Variants in MAPRE2 observed in about 807,000 individuals in gnomAD.
The protein encoded by MAPRE2 is microtubule associated protein RP/EB family member 2.
Under a neutral mutation model 43.2 loss-of-function variants are expected in MAPRE2, and 13 were observed. The observed-to-expected ratio is 0.30, with a 90% CI of 0.20 to 0.48. The LOEUF is 0.48. MAPRE2 is among the 20% of genes least tolerant of loss of function. The probability of loss-of-function intolerance (pLI) is 0.99; values close to 1 mark genes in which losing one functional copy is unlikely to be tolerated. For synonymous variants in MAPRE2, 135 were observed against 148.8 expected, an observed-to-expected ratio of 0.91 and a Z score of 0.68; for missense variants, 161 against 400.2, an observed-to-expected ratio of 0.40 and a Z score of 5.10.
chr18:34,995,322 T>G (rs531558), intron 1 of MAPRE2, among the ~76,000 whole-genome samples: 1 of 151,886 alleles, frequency 6.6e-6, no homozygotes, highest in Non-Finnish European at 1.5e-5. Context: ...TTGGCAGGAC[T>G]TCCAAGCATC....
At chr18:35,095,705 A>T (rs996460145) in intron 2 of MAPRE2, among the ~76,000 whole-genome samples, 4 of 152,266 alleles carry the variant, frequency 2.6e-5, no homozygotes, top group Non-Finnish European at 4.4e-5. Flanking sequence ...CAACAATCCC[A>T]TCCATATAAA....
At chr18:35,095,595 T>C (rs533634924) in intron 2 of MAPRE2, among the ~76,000 whole-genome samples, 1 of 151,880 alleles carries the variant, frequency 6.6e-6, no homozygotes, top group South Asian at 2.1e-4. Context: ...GGTTGGTTTG[T>C]AAGAGTATAT....
chr18:34,991,959 T>C (rs1458200023), intron 1 of MAPRE2, among the ~76,000 whole-genome samples: 1 of 152,202 alleles, frequency 6.6e-6, no homozygotes, highest in Non-Finnish European at 1.5e-5. Context: ...AGTGGTGTTT[T>C]AAGGGTTGCT....
intron 4 of MAPRE2, among the ~76,000 whole-genome samples, chr18:35,110,031 A>G (rs1603402012): frequency 6.6e-6 from 1 of 151,616 alleles, no homozygotes; most frequent in Non-Finnish European, 1.5e-5. Flanking sequence ...GGATTACAAT[A>G]TATATTCTTG....
At chr18:35,005,424 CTT>C in intron 1 of MAPRE2, 1 of 1,002,070 alleles carries the variant, frequency 1.0e-6, no homozygotes, top group Non-Finnish European at 1.5e-6. Flanking sequence ...AATTATAACT[CTT>C]TGCTTCCATA....
chr18:35,074,316 C>T (rs1456067290), intron 2 of MAPRE2, among the ~76,000 whole-genome samples: 6 of 151,880 alleles, frequency 4.0e-5, no homozygotes, highest in Non-Finnish European at 8.8e-5. Context: ...TGCTTTAGTA[C>T]TAGCTCAAAC....
chr18:35,012,554 T>C (rs1176065099), intron 2 of MAPRE2, among the ~76,000 whole-genome samples: 1 of 152,232 alleles, frequency 6.6e-6, no homozygotes, highest in Non-Finnish European at 1.5e-5. Flanking sequence ...TACAATGGAA[T>C]ATTGTTCAAC....
chr18:35,048,718 ATATAG>A (rs1347169340), intron 1 of MAPRE2, among the ~76,000 whole-genome samples: 1 of 149,286 alleles, frequency 6.7e-6, no homozygotes, highest in Non-Finnish European at 1.5e-5. Flanking sequence ...TATAGTGTAT[ATATAG>A]TATATGTGTT....
At chr18:34,992,835 T>C (rs532102473) in intron 1 of MAPRE2, among the ~76,000 whole-genome samples, 21 of 152,256 alleles carry the variant, frequency 1.4e-4, no homozygotes, top group Non-Finnish European at 2.4e-4. Flanking sequence ...TCAGACACAT[T>C]TTAAAAAGCA....
chr18:35,039,053 G>A (rs796065663), upstream of MAPRE2, among the ~76,000 whole-genome samples: 3 of 152,294 alleles, frequency 2.0e-5, no homozygotes, highest in African/African-American at 7.2e-5. Flanking sequence ...TATGATCAAT[G>A]AACTATGCAT....
intron 1 of MAPRE2, among the ~76,000 whole-genome samples, chr18:34,984,802 A>ATATC: frequency 3.9e-5 from 1 of 25,396 alleles, no homozygotes; most frequent in Non-Finnish European, 9.6e-5. Flanking sequence ...TATATTATAT[A>ATATC]ATTATATAAT....
In MAPRE2 at chr18:35,104,220, T is replaced by C. The variant is rs115168663; in HGVS notation, c.610+2061T>C. ...CAAAGTCTGACTCCTAGGAGGTGAT[T>C]AATAGTCCCTCAGAGAATTGGTCCA... On this transcript the variant is annotated intron_variant, in intron 4 of 6. Transcript: ENST00000300249. Among the ~76,000 whole-genome samples, 1,358 of 152,140 alleles carry C rather than the reference T, an allele frequency of 8.9e-3. 14 individuals carry two copies. The highest frequency in any genetic ancestry group is 0.031 in the African/African-American group (1,298 of 41,516).
At chr18:35,045,696 G>C (rs1359607625) in intron 1 of MAPRE2, among the ~76,000 whole-genome samples, 1 of 152,140 alleles carries the variant, frequency 6.6e-6, no homozygotes, top group Non-Finnish European at 1.5e-5. Flanking sequence ...ACTTTTATCA[G>C]AACATAGGCT....
intron 1 of MAPRE2, among the ~76,000 whole-genome samples, chr18:34,980,308 A>G (rs960261639): frequency 3.3e-5 from 5 of 152,128 alleles, no homozygotes; most frequent in Non-Finnish European, 7.4e-5. Flanking sequence ...TACAGGAGTG[A>G]GCCACCACAC....
chr18:35,032,278 T>A (rs1035519747), intron 2 of MAPRE2, among the ~76,000 whole-genome samples: 2 of 152,190 alleles, frequency 1.3e-5, no homozygotes, highest in Non-Finnish European at 2.9e-5. Flanking sequence ...TAAGGTGATG[T>A]GACAGCTGTG....
intron 1 of MAPRE2, among the ~76,000 whole-genome samples, chr18:35,052,988 A>C (rs1022597787): frequency 6.8e-6 from 1 of 147,062 alleles, no homozygotes; most frequent in Admixed American, 7.1e-5. Context: ...TATATTCTTA[A>C]CTTGAATATA....
chr18:35,000,312 A>G (rs2097028682), intron 1 of MAPRE2, among the ~76,000 whole-genome samples: 2 of 152,214 alleles, frequency 1.3e-5, no homozygotes, highest in Admixed American at 1.3e-4. Flanking sequence ...TGTGTTGACC[A>G]GAAGCCTCAC....
chr18:34,977,976 A>T (rs1248361647), intron 1 of MAPRE2, among the ~76,000 whole-genome samples: 1 of 152,146 alleles, frequency 6.6e-6, no homozygotes, highest in Non-Finnish European at 1.5e-5. Flanking sequence ...TCCTCCAGTG[A>T]CTTCGTCAAT....
intron 4 of MAPRE2, among the ~76,000 whole-genome samples, chr18:35,124,269 G>A (rs1909811846): frequency 6.6e-6 from 1 of 152,070 alleles, no homozygotes; most frequent in South Asian, 2.1e-4. Context: ...GAGGGAAAAA[G>A]CCCCTTAAAA....
Sources: gnomAD v4.1 joint callset for allele counts (sites outside exome capture counted in the v4.1 genomes callset) on GRCh38, gnomAD v4.1.1 for gene constraint, MANE v1.5 for transcripts, NCBI Gene and HGNC (gene_info 2026-07-23, HGNC 2026-07-21) for gene names.